SLF1: variants seen among roughly 807,000 people sequenced by gnomAD.
SLF1 encodes the protein SMC5-SMC6 complex localization factor protein 1.
SLF1 carries 105 observed loss-of-function variants against 123.0 expected under a neutral mutation model. The ratio of observed to expected loss-of-function variants is 0.85; its 90% CI spans 0.73 to 1.00. The LOEUF (loss-of-function observed/expected upper bound fraction) is 1.00. SLF1 is among the 50% of genes least tolerant of loss of function. The pLI, the probability that SLF1 is intolerant of heterozygous loss-of-function variation, is 0.00. For synonymous variants in SLF1, 434 were observed against 406.6 expected, an observed-to-expected ratio of 1.07 and a Z score of -0.81; for missense variants, 1,239 against 1,223.0, an observed-to-expected ratio of 1.01 and a Z score of -0.20.
At position 94,670,273 on chromosome 5, in the gene SLF1, G is replaced by A. The variant is rs774095902; in HGVS notation, c.1655G>A (p.Ser552Asn). ...ATTGAAAGTGAAGTACAACATCTGA[G>A]TCAAAAGTAAGTTCTAATCGCAAGA... ...NLIESEVQHL[S>N]QKLYDWSDSQ... is the part of the protein sequence containing the mutation. Residue 552 changes from serine to asparagine, a missense_variant, in exon 13 of 21, where the codon AGT (serine) becomes AAT (asparagine). Coordinates refer to ENST00000265140, the MANE Select transcript of SLF1 (RefSeq NM_032290.4). The A allele has an allele frequency of 6.8e-7, 1 of 1,479,154 alleles. No individual in the cohort carries two copies. Among genetic ancestry groups the A allele is most frequent in the South Asian group, 1.4e-5 (1 of 70,488 alleles). 91.6% of individuals were successfully genotyped at this position (1,479,154 alleles called of 1,614,324 possible).
Position 94,643,335 on chromosome 5 carries a change from A to G in SLF1, c.494A>G (p.His165Arg), listed in dbSNP as rs768652977. ...LPKSSPSGIT[H>R]VIASNARIKA... Reference sequence around the variant, plus strand: ...AAAAGTTCACCAAGTGGAATAACTCATGTGATTGCCAGTAATGCAAGAATT... The same window carrying G: ...AAAAGTTCACCAAGTGGAATAACTCGTGTGATTGCCAGTAATGCAAGAATT... The change falls in exon 5 of 21, where the codon CAT (histidine) becomes CGT (arginine). Residue 165 changes from histidine to arginine, a missense_variant. Transcript: ENST00000265140. The G allele has an allele frequency of 3.2e-6, 5 of 1,541,976 alleles. No homozygotes were observed. Among genetic ancestry groups the G allele is most frequent in the South Asian group, 1.2e-5 (1 of 82,834 alleles).
chr5:94,663,875 C>A lies in SLF1; in HGVS notation c.1335C>A (p.Cys445Ter). The A allele has an allele frequency of 1.3e-6, 2 of 1,544,960 alleles. No homozygotes were observed. The highest frequency in any genetic ancestry group is 1.7e-6 in the Non-Finnish European group (2 of 1,144,852). The change falls in exon 11 of 21, where the codon TGC (cysteine) becomes TGA (stop). Residue 445 changes from cysteine (C) to a stop codon, truncating the protein, a stop_gained. Coordinates refer to ENST00000265140, the MANE Select transcript of SLF1 (RefSeq NM_032290.4). LOFTEE classifies it high-confidence loss of function. Reference sequence around the variant, plus strand: ...AGGCACATTATATCCCTCCTGTATGCGTTCTTCATGCCCTTCTAGAGAACG... The same window carrying A: ...AGGCACATTATATCCCTCCTGTATGAGTTCTTCATGCCCTTCTAGAGAACG... Reference protein sequence around the residue: ...TLQAHYIPPVCVLHALLENVL... With the variant: ...TLQAHYIPPV
chr5:94,672,118 A>G (rs17083888), intron 14 of SLF1, among the ~76,000 whole-genome samples: 33,863 of 151,808 alleles, frequency 0.22, 3,906 homozygotes, highest in East Asian at 0.34. Context: ...TTGCTCATCT[A>G]TTTATTTTTA....
intron 4 of SLF1, among the ~76,000 whole-genome samples, chr5:94,638,200 A>G (rs1246922734): frequency 1.3e-5 from 2 of 150,770 alleles, no homozygotes; most frequent in African/African-American, 2.4e-5. Context: ...TTTTTTTGAG[A>G]CAGAGTCTCA....
chr5:94,634,099 C>A (rs1745493918), intron 4 of SLF1, among the ~76,000 whole-genome samples: 1 of 152,062 alleles, frequency 6.6e-6, no homozygotes, highest in Admixed American at 6.6e-5. Flanking sequence ...TTATTTAATT[C>A]CCAATTACTG....
intron 20 of SLF1, 49 bp downstream of exon 20, chr5:94,692,305 G>T (rs750318422): frequency 6.4e-7 from 1 of 1,563,460 alleles, no homozygotes; most frequent in Non-Finnish European, 8.8e-7. Context: ...CCAGTTTTTT[G>T]ATGAATCCTG....
At chr5:94,670,748 A>G in intron 13 of SLF1, 95 bp from the exon 14 acceptor site, 2 of 895,370 alleles carry the variant, frequency 2.2e-6, no homozygotes, top group Non-Finnish European at 3.4e-6. Context: ...TCTATGTTCA[A>G]AAATTGCTAG....
At chr5:94,688,231 A>T (rs1315302831) in intron 16 of SLF1, among the ~76,000 whole-genome samples, 8 of 152,122 alleles carry the variant, frequency 5.3e-5, no homozygotes, top group African/African-American at 1.9e-4. Flanking sequence ...TGGGCATAAG[A>T]CTAATCAAAA....
At position 94,629,072 on chromosome 5, in the gene SLF1, A is replaced by G. The variant is rs1415563377; in HGVS notation, c.115-20A>G. On this transcript the variant is annotated intron_variant, in intron 2 of 20. Transcript: ENST00000265140. ...AGTCTTACTTTAGTAACATTTCTTG[A>G]TGTGGATTTTTCCCTCCAGAAATAC... 2.6e-6 allele frequency: 4 copies of G among 1,524,168 alleles called. No homozygotes were observed. Among genetic ancestry groups the G allele is most frequent in the Middle Eastern group, 1.7e-4 (1 of 5,898 alleles). 94.4% of individuals were successfully genotyped at this position (1,524,168 alleles called of 1,614,324 possible).
chr5:94,624,717 C>T (rs1279234353), intron 1 of SLF1, among the ~76,000 whole-genome samples: 2 of 151,344 alleles, frequency 1.3e-5, no homozygotes, highest in African/African-American at 4.9e-5. Flanking sequence ...TTGTATATTC[C>T]GATTATTTAA....
chr5:94,626,085 C>G (rs1437555711), intron 1 of SLF1, among the ~76,000 whole-genome samples: 1 of 146,552 alleles, frequency 6.8e-6, no homozygotes, highest in East Asian at 2.1e-4. Flanking sequence ...AACCCTGTCT[C>G]TACTAAAAAT....
At chr5:94,627,852 G>A (rs1455756885) in intron 1 of SLF1, among the ~76,000 whole-genome samples, 3 of 149,562 alleles carry the variant, frequency 2.0e-5, no homozygotes, top group African/African-American at 7.4e-5. Flanking sequence ...TTTTTGAGAC[G>A]GAGTTTCACT....
intron 15 of SLF1, among the ~76,000 whole-genome samples, chr5:94,680,356 C>T (rs1751621991): frequency 1.3e-5 from 2 of 152,264 alleles, no homozygotes; most frequent in Middle Eastern, 6.8e-3. Flanking sequence ...TGTGGAGTAG[C>T]TGTCCTTTGT....
chr5:94,667,221 A>G (rs147454146), intron 12 of SLF1, among the ~76,000 whole-genome samples: 6 of 152,258 alleles, frequency 3.9e-5, no homozygotes, highest in African/African-American at 1.4e-4. Flanking sequence ...AGATGATTTA[A>G]ATAACAGTTC....
At chr5:94,668,349 T>G (rs1750056199) in intron 12 of SLF1, among the ~76,000 whole-genome samples, 1 of 151,992 alleles carries the variant, frequency 6.6e-6, no homozygotes, top group Non-Finnish European at 1.5e-5. Context: ...TTGTTTGTTT[T>G]TTGAGAAGAA....
intron 9 of SLF1, among the ~76,000 whole-genome samples, chr5:94,658,120 ATTTC>A (rs932547413): frequency 1.8e-5 from 2 of 114,062 alleles, no homozygotes; most frequent in South Asian, 2.7e-4. Context: ...CCTTTTTTTC[ATTTC>A]TTCTTTTATT....
chr5:94,678,408 T>G (rs1751342899), intron 14 of SLF1: 1 of 153,618 alleles, frequency 6.5e-6, no homozygotes, highest in African/African-American at 2.4e-5. Flanking sequence ...TAAAGAATAA[T>G]TCTGTATATA....
intron 12 of SLF1, among the ~76,000 whole-genome samples, chr5:94,666,906 A>G (rs1018482548): frequency 1.3e-5 from 2 of 150,418 alleles, no homozygotes; most frequent in Non-Finnish European, 2.9e-5. Context: ...TGGGCTCCCA[A>G]AGTCCTGGGA....
Position 94,630,708 on chromosome 5 carries a change from T to G in SLF1, c.396T>G (p.Leu132=). 1 of 1,551,656 alleles carries G rather than the reference T, an allele frequency of 6.4e-7. No homozygotes were observed. Among genetic ancestry groups the G allele is most frequent in the Non-Finnish European group, 8.7e-7 (1 of 1,146,950 alleles). Reference sequence around the variant, plus strand: ...TCCACAGATGGAAAGTTGTCCTCCTTGTTAGAACTGATAAGCGAAGTGATT... The same window carrying G: ...TCCACAGATGGAAAGTTGTCCTCCTGGTTAGAACTGATAAGCGAAGTGATT... ...GAFHRWKVVL[L]VRTDKRSDSL... The change falls in exon 4 of 21, where the codon CTT becomes CTG. Residue 132 remains leucine, a synonymous_variant. Coordinates refer to ENST00000265140, the MANE Select transcript of SLF1 (RefSeq NM_032290.4).
Sources: gnomAD v4.1 joint callset for allele counts (sites outside exome capture counted in the v4.1 genomes callset) on GRCh38, gnomAD v4.1.1 for gene constraint, MANE v1.5 for transcripts, NCBI Gene and HGNC (gene_info 2026-07-23, HGNC 2026-07-21) for gene names.